The following PDCD10 variants were observed in gnomAD, a reference collection of about 807,000 sequenced individuals.
PDCD10 encodes programmed cell death protein 10.
PDCD10 carries 4 observed loss-of-function variants against 29.2 expected under a neutral mutation model. That is an observed-to-expected ratio of 0.14 (90% CI 0.07 to 0.31). The LOEUF (loss-of-function observed/expected upper bound fraction) is 0.31, where lower values mean the gene tolerates loss of function less well. PDCD10 is among the 10% of genes least tolerant of loss of function. The pLI is 1.00. For synonymous variants in PDCD10, 70 were observed against 82.2 expected (o/e 0.85, Z 0.80); for missense variants, 183 against 257.9 (o/e 0.71, Z 1.99).
intron 3 of PDCD10, among the ~76,000 whole-genome samples, chr3:167,707,179 T>G (rs1722059722): frequency 6.6e-6 from 1 of 152,232 alleles, no homozygotes; most frequent in Non-Finnish European, 1.5e-5. Flanking sequence ...TGAACTGATC[T>G]TTAAAAAGTG....
intron 3 of PDCD10, among the ~76,000 whole-genome samples, chr3:167,713,869 G>C (rs1336491715): frequency 6.6e-6 from 1 of 151,856 alleles, no homozygotes; most frequent in African/African-American, 2.4e-5. Flanking sequence ...TCCATAACCT[G>C]AACAGGCCAA....
intron 2 of PDCD10, among the ~76,000 whole-genome samples, chr3:167,726,654 T>C (rs1724216378): frequency 6.6e-6 from 1 of 152,216 alleles, no homozygotes; most frequent in South Asian, 2.1e-4. Context: ...GTTACTACAG[T>C]GGCTAACACA....
chr3:167,726,079 T>C (rs1253089860), intron 2 of PDCD10, among the ~76,000 whole-genome samples: 1 of 150,176 alleles, frequency 6.7e-6, no homozygotes, highest in Non-Finnish European at 1.5e-5. Context: ...CTGCACCATG[T>C]CAAGTGTATG....
intron 2 of PDCD10, 69 bp from the exon 3 acceptor site, chr3:167,720,342 C>G: frequency 1.8e-6 from 1 of 567,152 alleles, no homozygotes; most frequent in South Asian, 2.2e-5. Flanking sequence ...CAATAATTTT[C>G]CTTTCCAAAT....
chr3:167,706,436 C>A (rs1309769861), intron 3 of PDCD10, among the ~76,000 whole-genome samples: 1 of 152,190 alleles, frequency 6.6e-6, no homozygotes, highest in African/African-American at 2.4e-5. Context: ...ACAGGGATAG[C>A]CTACCACACA....
At chr3:167,692,350 G>A (rs912774096) in intron 6 of PDCD10, among the ~76,000 whole-genome samples, 1 of 152,124 alleles carries the variant, frequency 6.6e-6, no homozygotes, top group Non-Finnish European at 1.5e-5. Context: ...ATCCATATAT[G>A]CATACATTTT....
chr3:167,709,432 A>G (rs1722306804), intron 3 of PDCD10, among the ~76,000 whole-genome samples: 1 of 152,098 alleles, frequency 6.6e-6, no homozygotes, highest in Non-Finnish European at 1.5e-5. Flanking sequence ...ACTTGGGTGG[A>G]GAGAGCACAG....
At chr3:167,712,259 AG>A (rs1355044176) in intron 3 of PDCD10, among the ~76,000 whole-genome samples, 1 of 152,092 alleles carries the variant, frequency 6.6e-6, no homozygotes, top group African/African-American at 2.4e-5. Context: ...AAAAAATGAG[AG>A]GGATGAAGTA....
chr3:167,706,756 T>C (rs1295592833), intron 3 of PDCD10, among the ~76,000 whole-genome samples: 7 of 152,246 alleles, frequency 4.6e-5, no homozygotes, highest in Non-Finnish European at 1.0e-4. Flanking sequence ...GGTATTGATA[T>C]ATTCATGGTG....
chr3:167,684,100 C>T lies in PDCD10; in HGVS notation c.*208G>A. 6.3e-6 allele frequency: 3 copies of T among 476,012 alleles called. No individual in the cohort carries two copies. Among genetic ancestry groups the T allele is most frequent in the Non-Finnish European group, 1.1e-5 (3 of 261,240 alleles). 29.5% of individuals were successfully genotyped at this position (476,012 alleles called of 1,614,324 possible). A position where few individuals can be genotyped will look rare whatever the true frequency, so the allele number is the denominator to read the frequency against. On this transcript the variant is annotated 3_prime_UTR_variant, in exon 9 of 9. Transcript: ENST00000392750. ...ATAATTCTTAAAAGAATGATAATAG[C>T]AAAAGTGATGCAAAATCTTCAGTGT...
intron 2 of PDCD10, among the ~76,000 whole-genome samples, chr3:167,724,761 A>G (rs1252113228): frequency 1.3e-5 from 2 of 152,232 alleles, no homozygotes; most frequent in African/African-American, 4.8e-5. Flanking sequence ...TTCAGTGATA[A>G]TAAGACTTCA....
At chr3:167,734,013 T>C (rs1041962190) in intron 2 of PDCD10, among the ~76,000 whole-genome samples, 18 of 152,194 alleles carry the variant, frequency 1.2e-4, no homozygotes, top group Admixed American at 6.5e-4. Flanking sequence ...CTATATAAAA[T>C]ACATTTACTT....
chr3:167,690,097 G>C (rs1242235277), intron 6 of PDCD10, among the ~76,000 whole-genome samples: 1 of 152,196 alleles, frequency 6.6e-6, no homozygotes, highest in East Asian at 1.9e-4. Context: ...ACTAATGAAT[G>C]CGGCTTGGTG....
chr3:167,706,089 G>C (rs1479773900), intron 3 of PDCD10, among the ~76,000 whole-genome samples: 1 of 152,182 alleles, frequency 6.6e-6, no homozygotes, highest in Non-Finnish European at 1.5e-5. Flanking sequence ...GTATAGCCCT[G>C]AATGGTATGT....
intron 3 of PDCD10, among the ~76,000 whole-genome samples, chr3:167,714,601 T>C (rs1722832873): frequency 6.6e-6 from 1 of 151,884 alleles, no homozygotes. Context: ...AGTAGCAGAA[T>C]ATGAAATCAA....
intron 4 of PDCD10, among the ~76,000 whole-genome samples, chr3:167,701,379 T>G (rs1035018713): frequency 6.6e-6 from 1 of 152,198 alleles, no homozygotes; most frequent in African/African-American, 2.4e-5. Flanking sequence ...GTATATTTAA[T>G]TAGAGACAAG....
chr3:167,696,407 G>C (rs1016359709), intron 5 of PDCD10, among the ~76,000 whole-genome samples: 1 of 151,998 alleles, frequency 6.6e-6, no homozygotes, highest in African/African-American at 2.4e-5. Context: ...TAATGATAAG[G>C]GCTTTCTTAA....
intron 2 of PDCD10, among the ~76,000 whole-genome samples, chr3:167,728,860 A>G (rs1724495757): frequency 6.6e-6 from 1 of 152,236 alleles, no homozygotes; most frequent in Non-Finnish European, 1.5e-5. Context: ...GTAAAGAAAT[A>G]CAGTGACATG....
chr3:167,711,470 G>T (rs115117724), intron 3 of PDCD10, among the ~76,000 whole-genome samples: 1,856 of 152,192 alleles, frequency 0.012, 37 homozygotes, highest in African/African-American at 0.043. Flanking sequence ...TATTGAAAAT[G>T]CAGAGGAGAC....
Sources: gnomAD v4.1 joint callset for allele counts (sites outside exome capture counted in the v4.1 genomes callset) on GRCh38, gnomAD v4.1.1 for gene constraint, MANE v1.5 for transcripts, NCBI Gene and HGNC (gene_info 2026-07-23, HGNC 2026-07-21) for gene names.